The following ZNF608 variants were observed in gnomAD, a reference collection of about 807,000 sequenced individuals.
ZNF608 encodes zinc finger protein 608.
In ZNF608, 12 loss-of-function variants were observed where a neutral mutation model predicts 109.0. The ratio of observed to expected loss-of-function variants is 0.11; its 90% CI spans 0.07 to 0.18. The LOEUF (loss-of-function observed/expected upper bound fraction) is 0.18. ZNF608 is among the 10% of genes least tolerant of loss of function. The probability of loss-of-function intolerance (pLI) is 1.00; values close to 1 mark genes in which losing one functional copy is unlikely to be tolerated. For synonymous variants in ZNF608, 732 were observed against 717.4 expected (o/e 1.02, Z -0.33); for missense variants, 1,707 against 1,879.3 (o/e 0.91, Z 1.70).
chr5:124,647,291 C>G lies in ZNF608; in HGVS notation c.3093G>C (p.Lys1031Asn), dbSNP rs757906697. 10 of 1,614,236 alleles carry G rather than the reference C, an allele frequency of 6.2e-6. No individual in the cohort carries two copies. The Admixed American group carries it at 1.7e-4, about 27-fold the overall frequency. Residue 1031 changes from lysine (K) to asparagine (N), a missense_variant, in exon 5 of 10, where the codon AAG becomes AAC. Around this residue, in one of 7 missense-constraint regions of ZNF608, gnomAD observed 1,073 missense variants for 1,133.5 expected, o/e 0.95. Transcript: ENST00000513986. ...TTTCAGCATCTTCCTCAGACTCCTT[C>G]TTGATCTTCATTCCCTGCGTGCTCC... is the stretch of plus-strand genomic sequence containing the variant. ...NSGSTQGMKI[K>N]KESEEDAEKK...
rs752112627 is a variant in ZNF608 at position 124,647,648 on chromosome 5, C to T, written c.2736G>A (p.Gly912=). ...CATGCAGAGGTGCCATTGGTGCCTG[C>T]CCGTTCACCAAAGTGCTGCATTCCA... is the stretch of plus-strand genomic sequence containing the variant. ...SRLECSTLVN[G]QAPMAPLHVL... is the part of the protein sequence containing the mutation. The change falls in exon 5 of 10, where the codon GGG becomes GGA. Residue 912 remains glycine (G), a synonymous_variant. Coordinates refer to ENST00000513986, the MANE Select transcript of ZNF608 (RefSeq NM_020747.3). 45 of 1,614,192 alleles carry T rather than the reference C, an allele frequency of 2.8e-5. 2 individuals are homozygous for T. In the South Asian group the frequency reaches 4.7e-4, roughly 17 times the overall value.
intron 2 of ZNF608, among the ~76,000 whole-genome samples, chr5:124,702,593 T>C (rs1170985865): frequency 3.9e-5 from 6 of 152,128 alleles, no homozygotes; most frequent in Non-Finnish European, 8.8e-5. Flanking sequence ...GAAGCAGTCA[T>C]CTGTGTGGGC....
chr5:124,644,145 AT>A, intron 6 of ZNF608, 98 bp downstream of exon 6: 6 of 1,112,834 alleles, frequency 5.4e-6, no homozygotes, highest in Non-Finnish European at 7.5e-6. Context: ...AGGAAAACAA[AT>A]GTCACTCTTG....
intron 2 of ZNF608, among the ~76,000 whole-genome samples, chr5:124,709,052 T>C (rs1224951064): frequency 6.6e-6 from 1 of 151,408 alleles, no homozygotes. Context: ...GCTCCTGTAA[T>C]CCCAGCTACT....
At chr5:124,683,812 C>T (rs1752297541) in intron 3 of ZNF608, among the ~76,000 whole-genome samples, 1 of 152,154 alleles carries the variant, frequency 6.6e-6, no homozygotes, top group Non-Finnish European at 1.5e-5. Flanking sequence ...AATCTTAATA[C>T]AAGGTATATA....
intron 3 of ZNF608, among the ~76,000 whole-genome samples, chr5:124,669,658 AAC>A (rs56258363): frequency 0.64 from 94,741 of 148,058 alleles, 30,705 homozygotes; most frequent in Non-Finnish European, 0.71. Context: ...AACACACACA[AAC>A]ACACACACAC....
At chr5:124,710,852 A>G (rs1284946359) in intron 2 of ZNF608, 1 of 152,414 alleles carries the variant, frequency 6.6e-6, no homozygotes, top group African/African-American at 2.4e-5. Flanking sequence ...CCATCTCTAT[A>G]CATGCATGTA....
At chr5:124,693,875 G>A (rs1023787236) in intron 3 of ZNF608, among the ~76,000 whole-genome samples, 20 of 150,706 alleles carry the variant, frequency 1.3e-4, no homozygotes, top group African/African-American at 4.9e-4. Flanking sequence ...CATTCAGTAC[G>A]CCTTTGTTGA....
intron 3 of ZNF608, among the ~76,000 whole-genome samples, chr5:124,676,190 A>G (rs1388230651): frequency 6.6e-6 from 1 of 152,214 alleles, no homozygotes; most frequent in East Asian, 1.9e-4. Flanking sequence ...GGTGAATGCT[A>G]CTGGAGAGAA....
Position 124,701,264 on chromosome 5 carries a change from G to T in ZNF608, c.912C>A (p.Asp304Glu), listed in dbSNP as rs775449294. ...GTGGCGCTGGCACTGTAAACAGGGG[G>T]TCAACCTGAAAGACAGACAGGCTTA... ...RIKKLKTEKV[D>E]PLFTVPAPPP... Residue 304 changes from aspartate to glutamate, a missense_variant, in exon 3 of 10, where the codon GAC becomes GAA. Physicochemically the swap from Asp to Glu is conservative, Grantham distance 45. This residue lies in a region of ZNF608 where 407 missense variants were observed against 398.7 expected (regional missense o/e 1.02). Coordinates refer to ENST00000513986, the MANE Select transcript of ZNF608 (RefSeq NM_020747.3). 1.2e-6 allele frequency: 2 copies of T among 1,613,966 alleles called. No homozygotes were observed. Among genetic ancestry groups the T allele is most frequent in the Non-Finnish European group, 1.7e-6 (2 of 1,179,920 alleles).
intron 3 of ZNF608, among the ~76,000 whole-genome samples, chr5:124,671,092 C>G (rs1751695991): frequency 1.3e-5 from 2 of 152,156 alleles, no homozygotes; most frequent in African/African-American, 4.8e-5. Flanking sequence ...ATTTTCCCAG[C>G]TGGAGATCTC....
chr5:124,647,796 C>A lies in ZNF608; in HGVS notation c.2588G>T (p.Gly863Val), dbSNP rs1750597063. The A allele has an allele frequency of 7.4e-6, 12 of 1,614,152 alleles. No homozygotes were observed. In the East Asian group the frequency reaches 2.7e-4, roughly 36 times the overall value. The change falls in exon 5 of 10, where the codon GGG becomes GTG. Residue 863 changes from glycine to valine, a missense_variant. Physicochemically the swap from Gly to Val is moderately radical, Grantham distance 109. This residue lies in a region of ZNF608 where 1,073 missense variants were observed against 1,133.5 expected (regional missense o/e 0.95). Coordinates refer to ENST00000513986, the MANE Select transcript of ZNF608 (RefSeq NM_020747.3). ...AGACTCCGACAGTCCATTTGCCAGC[C>A]CTTCATTCTTGTTGAGATGATCCTT... Reference protein sequence around the residue: ...FLKDHLNKNEGLANGLSESQE... With the variant: ...FLKDHLNKNEVLANGLSESQE...
chr5:124,683,122 A>C (rs1310610487), intron 3 of ZNF608, among the ~76,000 whole-genome samples: 1 of 152,182 alleles, frequency 6.6e-6, no homozygotes, highest in African/African-American at 2.4e-5. Flanking sequence ...ATAGCAAGTC[A>C]AATTGCCCCG....
At chr5:124,641,207 C>A in intron 8 of ZNF608, 45 bp downstream of exon 8, 8 of 1,611,126 alleles carry the variant, frequency 5.0e-6, no homozygotes, top group Non-Finnish European at 6.8e-6. Flanking sequence ...CAACTGTTTT[C>A]CAAAGCAGAA....
chr5:124,690,792 A>G (rs1752587503), intron 3 of ZNF608, among the ~76,000 whole-genome samples: 1 of 152,172 alleles, frequency 6.6e-6, no homozygotes, highest in African/African-American at 2.4e-5. Context: ...GTAACATGTA[A>G]CTAAAAAGAT....
At chr5:124,730,630 T>C (rs760640566) in intron 2 of ZNF608, among the ~76,000 whole-genome samples, 1 of 152,206 alleles carries the variant, frequency 6.6e-6, no homozygotes, top group African/African-American at 2.4e-5. Flanking sequence ...TAGACTTTGG[T>C]GTAAACAGGT....
intron 4 of ZNF608, 136 bp downstream of exon 4, chr5:124,649,474 T>A: frequency 1.6e-6 from 1 of 627,822 alleles, no homozygotes; most frequent in Non-Finnish European, 2.6e-6. Flanking sequence ...TTTTACTGCG[T>A]TCAATCCTAA....
At chr5:124,709,360 C>A (rs1259583572) in intron 2 of ZNF608, among the ~76,000 whole-genome samples, 1 of 152,044 alleles carries the variant, frequency 6.6e-6, no homozygotes. Flanking sequence ...CTATTTTTAA[C>A]TTCATTCTCT....
chr5:124,688,522 T>C (rs1292323016), intron 3 of ZNF608, among the ~76,000 whole-genome samples: 1 of 152,192 alleles, frequency 6.6e-6, no homozygotes, highest in Non-Finnish European at 1.5e-5. Context: ...GGCAGTCTCA[T>C]CCAGGAAATA....
Sources: gnomAD v4.1 joint callset for allele counts (sites outside exome capture counted in the v4.1 genomes callset) on GRCh38, gnomAD v4.1.1 for gene constraint, gnomAD v4.1.1 regional missense constraint, MANE v1.5 for transcripts, NCBI Gene and HGNC (gene_info 2026-07-23, HGNC 2026-07-21) for gene names.